SYNE1: variants seen among roughly 807,000 people sequenced by gnomAD.
SYNE1 encodes nesprin-1.
SYNE1 carries 616 observed loss-of-function variants against 1,111.0 expected under a neutral mutation model. The observed-to-expected ratio is 0.55, with a 90% CI of 0.52 to 0.59. SYNE1 has a LOEUF of 0.59. SYNE1 is among the 20% of genes least tolerant of loss of function. The pLI, the probability that SYNE1 is intolerant of heterozygous loss-of-function variation, is 0.00. For synonymous variants in SYNE1, 3,855 were observed against 3,825.8 expected (o/e 1.01, Z -0.28); for missense variants, 10,006 against 10,417.0 (o/e 0.96, Z 1.72).
chr6:152,438,279 A>G (rs573159504), intron 32 of SYNE1, among the ~76,000 whole-genome samples: 1 of 152,218 alleles, frequency 6.6e-6, no homozygotes, highest in Admixed American at 6.5e-5. Flanking sequence ...AGTGAAAAAT[A>G]AAGTGTTTTA....
intron 64 of SYNE1, among the ~76,000 whole-genome samples, chr6:152,360,103 T>A (rs1314192471): frequency 6.6e-6 from 1 of 152,174 alleles, no homozygotes; most frequent in African/African-American, 2.4e-5. Context: ...GCAGTCTAAG[T>A]GATATAATGT....
chr6:152,275,703 G>C (rs1034985719), intron 98 of SYNE1, among the ~76,000 whole-genome samples: 1 of 150,720 alleles, frequency 6.6e-6, no homozygotes, highest in Non-Finnish European at 1.5e-5. Context: ...AACATTGAGA[G>C]ACCTCCATCT....
intron 41 of SYNE1, 105 bp from the exon 42 acceptor site, chr6:152,413,636 C>G: frequency 8.7e-7 from 1 of 1,147,870 alleles, no homozygotes; most frequent in South Asian, 1.4e-5. Context: ...ATTTAGACAG[C>G]TAGAAAAACT....
intron 3 of SYNE1, among the ~76,000 whole-genome samples, chr6:152,581,245 G>C (rs1353230043): frequency 6.6e-6 from 1 of 152,162 alleles, no homozygotes; most frequent in Non-Finnish European, 1.5e-5. Context: ...TATTTGCACA[G>C]GTAAGAGGGG....
chr6:152,317,973 A>G, intron 86 of SYNE1, 108 bp downstream of exon 86: 2 of 1,445,350 alleles, frequency 1.4e-6, no homozygotes, highest in South Asian at 1.2e-5. Context: ...CTACTCTCTC[A>G]TTGTCCATTT....
In SYNE1 at chr6:152,536,602, G is replaced by A. The variant is rs922974900; in HGVS notation, c.129+3358C>T. Among the ~76,000 whole-genome samples the A allele has an allele frequency of 1.1e-4, 17 of 150,802 alleles. No individual in the cohort carries two copies. In the South Asian group the frequency reaches 2.5e-3, roughly 22 times the overall value. Reference sequence around the variant, plus strand: ...CCAATGACTTCCAAACTGCCAAATCGAATGGGTTCACCTTTACCAACTAAT... The same window carrying A: ...CCAATGACTTCCAAACTGCCAAATCAAATGGGTTCACCTTTACCAACTAAT... On this transcript the variant is annotated intron_variant, in intron 4 of 145. Coordinates refer to ENST00000367255, the MANE Select transcript of SYNE1 (RefSeq NM_182961.4).
chr6:152,174,966 G>A (rs977032294), intron 130 of SYNE1, among the ~76,000 whole-genome samples: 3 of 152,214 alleles, frequency 2.0e-5, no homozygotes, highest in Admixed American at 6.5e-5. Context: ...GGCCGAGGCG[G>A]GTGGCTCACC....
At chr6:152,431,962 T>C (rs892540801) in intron 34 of SYNE1, among the ~76,000 whole-genome samples, 2 of 152,200 alleles carry the variant, frequency 1.3e-5, no homozygotes, top group African/African-American at 4.8e-5. Context: ...CTAATAATTG[T>C]TCTAGTTGCT....
chr6:152,234,813 T>C lies in SYNE1; in HGVS notation c.20397-13A>G, dbSNP rs777991870. ...TTCACTTTGATATCTGTTAAGTATA[T>C]TATGGAGTCCATTAAGTAAACATTT... On this transcript the variant is annotated splice_polypyrimidine_tract_variant and intron_variant, in intron 110 of 145. Coordinates refer to ENST00000367255, the MANE Select transcript of SYNE1 (RefSeq NM_182961.4). 4 of 1,613,962 alleles carry C rather than the reference T, an allele frequency of 2.5e-6. No individual in the cohort carries two copies. The Admixed American group carries it at 6.7e-5, about 27-fold the overall frequency.
intron 66 of SYNE1, among the ~76,000 whole-genome samples, chr6:152,358,142 T>A (rs2096869989): frequency 6.6e-6 from 1 of 152,210 alleles, no homozygotes; most frequent in Non-Finnish European, 1.5e-5. Context: ...AGCAGCTCCA[T>A]GAATCCCCCA....
chr6:152,225,710 A>T lies in SYNE1; in HGVS notation c.21351+11T>A, dbSNP rs1372595892. 6.2e-7 allele frequency: 1 copy of T among 1,614,086 alleles called. No individual in the cohort carries two copies. The highest frequency in any genetic ancestry group is 8.5e-7 in the Non-Finnish European group (1 of 1,179,982). On this transcript the variant is annotated intron_variant, in intron 116 of 145. Coordinates refer to ENST00000367255, the MANE Select transcript of SYNE1 (RefSeq NM_182961.4). ...ACGGTCCTGGAGCTGGCTTTCTGTGAGCAATATTACCATGTGATCTAAATT... is the reference window on the plus strand; with the variant it reads ...ACGGTCCTGGAGCTGGCTTTCTGTGTGCAATATTACCATGTGATCTAAATT...
At chr6:152,190,696 T>G (rs2072010304) in intron 127 of SYNE1, among the ~76,000 whole-genome samples, 1 of 152,204 alleles carries the variant, frequency 6.6e-6, no homozygotes, top group Non-Finnish European at 1.5e-5. Context: ...TTAACCATCC[T>G]CATCACCCCT....
At chr6:152,361,642 G>T (rs2096932664) in intron 64 of SYNE1, among the ~76,000 whole-genome samples, 1 of 152,184 alleles carries the variant, frequency 6.6e-6, no homozygotes, top group Admixed American at 6.5e-5. Flanking sequence ...AGGGGGTGAT[G>T]GAACAGGCTG....
At chr6:152,190,175 G>T (rs1246130713) in intron 127 of SYNE1, among the ~76,000 whole-genome samples, 1 of 152,132 alleles carries the variant, frequency 6.6e-6, no homozygotes, top group Non-Finnish European at 1.5e-5. Flanking sequence ...GGTCTCAGAA[G>T]AAACCACTTT....
chr6:152,430,669 A>G lies in SYNE1; in HGVS notation c.4502T>C (p.Val1501Ala), dbSNP rs367581049. 16 of 1,613,988 alleles carry G rather than the reference A, an allele frequency of 9.9e-6. No individual in the cohort carries two copies. Among genetic ancestry groups the G allele is most frequent in the South Asian group, 2.2e-5 (2 of 91,090 alleles). The change falls in exon 35 of 146, where the codon GTA becomes GCA. Residue 1501 changes from valine to alanine, a missense_variant. This residue lies in a region of SYNE1 where 1,971 missense variants were observed against 2,084.1 expected (regional missense o/e 0.95). Transcript: ENST00000367255. ...QEIESKLSSI[V>A]GLEEEAQSFA... ...AGACTGGGCTTCTTCTTCTAATCCT[A>G]CAATGCTGCTGAGCTTACTTTCTAT...
intron 107 of SYNE1, 126 bp from the exon 108 acceptor site, chr6:152,239,832 G>T (rs374697120): frequency 6.1e-6 from 6 of 989,890 alleles, no homozygotes; most frequent in South Asian, 5.4e-5. Flanking sequence ...GCTGAAGTGG[G>T]TGGATTACCT....
At chr6:152,322,688 C>T (rs2095902660) in intron 82 of SYNE1, among the ~76,000 whole-genome samples, 1 of 152,044 alleles carries the variant, frequency 6.6e-6, no homozygotes, top group Non-Finnish European at 1.5e-5. Context: ...CTTGAATCAC[C>T]CTTCCCCTCC....
chr6:152,593,305 C>T (rs2099572084), intron 3 of SYNE1, among the ~76,000 whole-genome samples: 1 of 152,130 alleles, frequency 6.6e-6, no homozygotes, highest in Non-Finnish European at 1.5e-5. Flanking sequence ...ATAGCTTGGG[C>T]TGGGCACGGT....
chr6:152,367,330 A>T lies in SYNE1; in HGVS notation c.9860T>A (p.Leu3287His). ...CCAGTCTTGTAATTCTTTAATCCCA[A>T]GAGAGAACTGATTGTGTTCTGCAAC... ...RIVAEHNQFS[L>H]GIKELQDWMT... The change falls in exon 62 of 146, where the codon CTT becomes CAT. Residue 3287 changes from leucine (L) to histidine (H), a missense_variant. By Grantham distance (99) the Leu-to-His change is moderately conservative. Coordinates refer to ENST00000367255, the MANE Select transcript of SYNE1 (RefSeq NM_182961.4). 2 of 1,614,212 alleles carry T rather than the reference A, an allele frequency of 1.2e-6. No individual in the cohort carries two copies. The highest frequency in any genetic ancestry group is 2.2e-5 in the South Asian group (2 of 91,086).
Sources: gnomAD v4.1 joint callset for allele counts (sites outside exome capture counted in the v4.1 genomes callset) on GRCh38, gnomAD v4.1.1 for gene constraint, gnomAD v4.1.1 regional missense constraint, MANE v1.5 for transcripts, NCBI Gene and HGNC (gene_info 2026-07-23, HGNC 2026-07-21) for gene names.